Variants in HADHA observed in about 807,000 individuals in gnomAD.
HADHA encodes trifunctional enzyme subunit alpha, mitochondrial.
In HADHA, 59 loss-of-function variants were observed where a neutral mutation model predicts 91.3. That is an observed-to-expected ratio of 0.65 (90% CI 0.52 to 0.80). The LOEUF (loss-of-function observed/expected upper bound fraction) is 0.80, where lower values mean the gene tolerates loss of function less well. HADHA is among the 30% of genes least tolerant of loss of function. The pLI is 0.00. For synonymous variants in HADHA, 320 were observed against 338.9 expected (o/e 0.94, Z 0.61); for missense variants, 800 against 927.6 (o/e 0.86, Z 1.79).
intron 12 of HADHA, among the ~76,000 whole-genome samples, chr2:26,203,722 A>G (rs888379133): frequency 2.6e-5 from 4 of 152,220 alleles, no homozygotes; most frequent in Admixed American, 1.3e-4. Context: ...CCTGCAAACT[A>G]TATCAAAATC....
chr2:26,194,467 T>C, intron 16 of HADHA, 103 bp downstream of exon 16: 1 of 790,830 alleles, frequency 1.3e-6, no homozygotes, highest in Non-Finnish European at 2.3e-6. Context: ...AGAGCAGGAG[T>C]TGGTGTATCA....
At chr2:26,235,504 T>C (rs2163244) in intron 4 of HADHA, among the ~76,000 whole-genome samples, 151,564 of 152,354 alleles carry the variant, frequency 0.99, 75,392 homozygotes, top group Middle Eastern at 1. Context: ...AAGCTACATG[T>C]ATTTTCCTCT....
At chr2:26,199,709 T>A (rs576087711) in intron 13 of HADHA, among the ~76,000 whole-genome samples, 1 of 152,340 alleles carries the variant, frequency 6.6e-6, no homozygotes, top group South Asian at 2.1e-4. Context: ...CCTCTTTTTT[T>A]ATTTTTTAAA....
chr2:26,204,343 G>C, intron 11 of HADHA, 147 bp from the exon 12 acceptor site: 1 of 797,926 alleles, frequency 1.3e-6, no homozygotes, highest in Non-Finnish European at 2.1e-6. Context: ...TAAAAACACA[G>C]CTTTAATAAA....
At chr2:26,220,073 T>A (rs933968649) in intron 7 of HADHA, among the ~76,000 whole-genome samples, 2 of 152,162 alleles carry the variant, frequency 1.3e-5, no homozygotes, top group African/African-American at 4.8e-5. Flanking sequence ...GGGGAAACAA[T>A]GATTTTTTGG....
intron 14 of HADHA, among the ~76,000 whole-genome samples, chr2:26,196,751 C>G (rs553169520): frequency 6.6e-6 from 1 of 152,162 alleles, no homozygotes; most frequent in South Asian, 2.1e-4. Context: ...GCTCCGATGG[C>G]GGGGAGAGGT....
At chr2:26,198,499 A>G (rs1669742375) in intron 13 of HADHA, among the ~76,000 whole-genome samples, 1 of 151,324 alleles carries the variant, frequency 6.6e-6, no homozygotes, top group Admixed American at 6.6e-5. Flanking sequence ...AGATGGTTGG[A>G]TGAGAAACGT....
intron 7 of HADHA, among the ~76,000 whole-genome samples, chr2:26,216,376 A>G (rs1670221062): frequency 7.3e-6 from 1 of 137,018 alleles, no homozygotes; most frequent in African/African-American, 2.8e-5. Context: ...GCTGGAGTGC[A>G]GCAGTGTGAT....
chr2:26,235,877 C>A (rs530894371), intron 4 of HADHA, among the ~76,000 whole-genome samples: 133 of 152,334 alleles, frequency 8.7e-4, no homozygotes, highest in African/African-American at 3.0e-3. Context: ...ATGCATTCCA[C>A]CATTTAGCAG....
intron 7 of HADHA, among the ~76,000 whole-genome samples, chr2:26,227,268 T>A (rs1223441685): frequency 2.0e-5 from 3 of 152,114 alleles, no homozygotes; most frequent in African/African-American, 7.2e-5. Flanking sequence ...TCTCAGCACT[T>A]TGGGAGGCCA....
intron 9 of HADHA, 123 bp from the exon 10 acceptor site, chr2:26,212,749 G>A: frequency 2.6e-6 from 2 of 759,334 alleles, no homozygotes; most frequent in East Asian, 2.6e-5. Context: ...AGACTGGAAT[G>A]AGAAAGAGAA....
At chr2:26,196,601 C>A (rs6730310) in intron 14 of HADHA, among the ~76,000 whole-genome samples, 2 of 151,438 alleles carry the variant, frequency 1.3e-5, no homozygotes, top group African/African-American at 2.4e-5. Flanking sequence ...GTATCCCTTG[C>A]TCCCGGGCAA....
At chr2:26,230,167 G>A (rs1670586958) in intron 7 of HADHA, 25 bp downstream of exon 7, 2 of 1,365,132 alleles carry the variant, frequency 1.5e-6, no homozygotes, top group African/African-American at 1.4e-5. Flanking sequence ...TATAAGGTCT[G>A]ACTCTGAGAT....
chr2:26,230,061 G>A (rs540030233), intron 7 of HADHA, 131 bp downstream of exon 7: 5 of 675,352 alleles, frequency 7.4e-6, no homozygotes, highest in Non-Finnish European at 1.4e-5. Context: ...GACCTCAAGT[G>A]ATCTTCCCGC....
chr2:26,212,478 G>A (rs1558322521), intron 10 of HADHA, 92 bp downstream of exon 10: 2 of 905,654 alleles, frequency 2.2e-6, no homozygotes, highest in African/African-American at 1.6e-5. Flanking sequence ...CTAGGCTTTG[G>A]ATATTTTTTT....
chr2:26,220,058 C>T (rs975442253), intron 7 of HADHA, among the ~76,000 whole-genome samples: 3 of 152,156 alleles, frequency 2.0e-5, no homozygotes, highest in African/African-American at 7.2e-5. Context: ...ATTTGCCTTG[C>T]AGAAGGGGAA....
At position 26,191,177 on chromosome 2, in the gene HADHA, A is replaced by C; in HGVS notation, c.*73T>G. The C allele has an allele frequency of 6.9e-7, 1 of 1,445,076 alleles. No homozygotes were observed. The highest frequency in any genetic ancestry group is 9.7e-7 in the Non-Finnish European group (1 of 1,028,160). 89.5% of individuals were successfully genotyped at this position (1,445,076 alleles called of 1,614,324 possible). On this transcript the variant is annotated 3_prime_UTR_variant, in exon 20 of 20. Transcript: ENST00000380649. ...TCTCGTTACTCTGATAAATCTAGACACCACTCTGTTGGAGAACCAGCACTG... is the reference window on the plus strand; with the variant it reads ...TCTCGTTACTCTGATAAATCTAGACCCCACTCTGTTGGAGAACCAGCACTG...
At chr2:26,236,738 C>T in intron 4 of HADHA, 117 bp downstream of exon 4, 1 of 796,156 alleles carries the variant, frequency 1.3e-6, no homozygotes, top group Non-Finnish European at 2.1e-6. Context: ...TTCAATTTTA[C>T]AGGCCTGTGT....
chr2:26,214,543 A>C lies in HADHA; in HGVS notation c.818T>G (p.Met273Arg), dbSNP rs1393438625. 2 of 1,586,306 alleles carry C rather than the reference A, an allele frequency of 1.3e-6. No individual in the cohort carries two copies. Among genetic ancestry groups the C allele is most frequent in the Non-Finnish European group, 1.7e-6 (2 of 1,154,828 alleles). ...CTGTTGCCTGACAAATGGAATAGTC[A>C]TGGCATACGCTGTCAATTCTGTAAA... The part of the protein sequence containing the change: ...GLVEKLTAYA[M>R]TIPFVRQQVY... The change falls in exon 9 of 20, where the codon ATG (methionine) becomes AGG (arginine). Residue 273 changes from methionine (M) to arginine (R), a missense_variant. By Grantham distance (91) the Met-to-Arg change is moderately conservative. Coordinates refer to ENST00000380649, the MANE Select transcript of HADHA (RefSeq NM_000182.5). This position sits in a 1 kb window ranked among gnomAD's most constrained non-coding sequence, Gnocchi z 4.1.
Sources: allele counts gnomAD v4.1 joint callset (sites outside exome capture counted in the v4.1 genomes callset), GRCh38; gene constraint gnomAD v4.1.1; non-coding constraint Gnocchi (gnomAD v3.1); transcripts MANE v1.5; gene names NCBI Gene and HGNC (gene_info 2026-07-23, HGNC 2026-07-21).